PRKAG2: variants seen among roughly 807,000 people sequenced by gnomAD.
PRKAG2 encodes the protein protein kinase AMP-activated non-catalytic subunit gamma 2.
In PRKAG2, 26 loss-of-function variants were observed where a neutral mutation model predicts 69.6. That is an observed-to-expected ratio of 0.37 (90% CI 0.27 to 0.52). The LOEUF is 0.52. Ranked by LOEUF, PRKAG2 falls within the 20% of genes least tolerant of loss-of-function variation. PRKAG2 has a pLI of 0.90. For missense variants in PRKAG2, 557 were observed against 740.0 expected (o/e 0.75, Z 2.87); for synonymous variants, 293 against 285.0 (o/e 1.03, Z -0.28).
chr7:151,589,211 C>T (rs1282753530), intron 6 of PRKAG2, among the ~76,000 whole-genome samples: 2 of 152,242 alleles, frequency 1.3e-5, no homozygotes, highest in Admixed American at 1.3e-4. Flanking sequence ...GAGGCACCTC[C>T]TGTAGCAGCG....
At chr7:151,683,413 G>A (rs767431625) in intron 3 of PRKAG2, among the ~76,000 whole-genome samples, 1 of 152,194 alleles carries the variant, frequency 6.6e-6, no homozygotes, top group Non-Finnish European at 1.5e-5. Context: ...CCTTGCCTTG[G>A]TAAAAATAAA....
At chr7:151,670,447 C>T (rs1288686397) in intron 4 of PRKAG2, among the ~76,000 whole-genome samples, 1 of 152,182 alleles carries the variant, frequency 6.6e-6, no homozygotes, top group Admixed American at 6.5e-5. Flanking sequence ...CTCGTCTGGG[C>T]TCCTGTTCTA....
intron 3 of PRKAG2, among the ~76,000 whole-genome samples, chr7:151,763,944 G>A (rs1446035195): frequency 6.6e-6 from 1 of 152,240 alleles, no homozygotes; most frequent in Non-Finnish European, 1.5e-5. Flanking sequence ...CAGCCTCACT[G>A]CTTTCCTCCT....
chr7:151,700,603 G>A (rs987479140), intron 3 of PRKAG2, among the ~76,000 whole-genome samples: 1 of 152,192 alleles, frequency 6.6e-6, no homozygotes, highest in African/African-American at 2.4e-5. Flanking sequence ...CTTTTCTGAT[G>A]AGGTTCCAGG....
chr7:151,594,027 G>A (rs1391453677), intron 6 of PRKAG2, among the ~76,000 whole-genome samples: 2 of 152,196 alleles, frequency 1.3e-5, no homozygotes, highest in East Asian at 1.9e-4. Flanking sequence ...ACAGAAGCAG[G>A]CCACACCTGG....
chr7:151,557,570 G>A (rs1804016557), intron 15 of PRKAG2: 1 of 984,972 alleles, frequency 1.0e-6, no homozygotes, highest in Admixed American at 6.2e-5. Context: ...TTACAAATAT[G>A]TATTAAAAAA....
At position 151,756,538 on chromosome 7, in the gene PRKAG2, G is replaced by A. The variant is rs116597533; in HGVS notation, c.466+24614C>T. 1.5e-3 allele frequency among the ~76,000 whole-genome samples: 223 copies of A among 152,308 alleles called. No individual in the cohort carries two copies. The highest frequency in any genetic ancestry group is 5.2e-3 in the African/African-American group (217 of 41,576). ...TGCCTGGATGCAGGGGCTGACCTCT[G>A]ACCCCTGCTGCCATGTGTCCAGGCT... On this transcript the variant is annotated intron_variant, in intron 3 of 15. Transcript: ENST00000287878. This position sits in a 1 kb window ranked among gnomAD's most constrained non-coding sequence, Gnocchi z 4.9.
In PRKAG2 at chr7:151,719,816, A is replaced by T. The variant is rs1208827875; in HGVS notation, c.467-44179T>A. Among the ~76,000 whole-genome samples, 2 of 152,156 alleles carry T rather than the reference A, an allele frequency of 1.3e-5. No homozygotes were observed. Among genetic ancestry groups the T allele is most frequent in the Admixed American group, 6.5e-5 (1 of 15,292 alleles). ...CCTCCTCCCCCTGAGTTTGCCAGGC[A>T]GCCTGTAAGTTGGGGCTCCAAGTAA... is the stretch of plus-strand genomic sequence containing the variant. On this transcript the variant is annotated intron_variant, in intron 3 of 15. Coordinates refer to ENST00000287878, the MANE Select transcript of PRKAG2 (RefSeq NM_016203.4). The surrounding 1 kb of genome is among the most constrained non-coding windows in gnomAD (Gnocchi z 5.2).
intron 3 of PRKAG2, among the ~76,000 whole-genome samples, chr7:151,745,332 T>C (rs1243703867): frequency 2.0e-5 from 3 of 152,198 alleles, no homozygotes; most frequent in Non-Finnish European, 2.9e-5. Context: ...TGCAAAATAC[T>C]GTGTCATGTT....
chr7:151,735,701 G>A (rs553059755), intron 3 of PRKAG2, among the ~76,000 whole-genome samples: 2 of 152,282 alleles, frequency 1.3e-5, no homozygotes, highest in African/African-American at 4.8e-5. Context: ...AAAGAGTATT[G>A]TCAGGCGGCT....
intron 1 of PRKAG2, among the ~76,000 whole-genome samples, chr7:151,801,001 T>A (rs986552121): frequency 6.6e-6 from 1 of 152,196 alleles, no homozygotes. Flanking sequence ...AACCTAAAAC[T>A]GCTCACAAGT....
intron 3 of PRKAG2, among the ~76,000 whole-genome samples, chr7:151,676,519 T>C (rs1832972984): frequency 6.6e-6 from 1 of 152,168 alleles, no homozygotes; most frequent in Non-Finnish European, 1.5e-5. Context: ...ACATGAATCT[T>C]CTGGGAGTTA....
chr7:151,673,437 G>A (rs1195081348), intron 4 of PRKAG2, among the ~76,000 whole-genome samples: 1 of 152,038 alleles, frequency 6.6e-6, no homozygotes, highest in Admixed American at 6.5e-5. Flanking sequence ...TCTCCCTCCT[G>A]TAGGGCCGAC....
chr7:151,574,835 CACAT>C, intron 8 of PRKAG2, 52 bp downstream of exon 8: 1 of 1,611,600 alleles, frequency 6.2e-7, no homozygotes, highest in Non-Finnish European at 8.5e-7. Context: ...TATACCTACA[CACAT>C]ACATAGATAC....
chr7:151,845,807 G>A (rs2079417382), intron 1 of PRKAG2, among the ~76,000 whole-genome samples: 1 of 152,164 alleles, frequency 6.6e-6, no homozygotes, highest in African/African-American at 2.4e-5. Context: ...AAACACCAAC[G>A]GCAACCCCAG....
rs1806624324 is a variant in PRKAG2 at position 151,567,894 on chromosome 7, G to C, written c.1233+822C>G. 6.6e-6 allele frequency among the ~76,000 whole-genome samples: 1 copy of C among 152,168 alleles called. No homozygotes were observed. The highest frequency in any genetic ancestry group is 2.4e-5 in the African/African-American group (1 of 41,432). On this transcript the variant is annotated intron_variant, in intron 11 of 15. Transcript: ENST00000287878. The surrounding 1 kb of genome is among the most constrained non-coding windows in gnomAD (Gnocchi z 4.2). ...ACCGGAACGCTATGTTAGGTCCTTA[G>C]GTGAAGCCATGGGGAGGAAAATGGG...
chr7:151,704,992 C>CGAAATGAG (rs1352730048), intron 3 of PRKAG2, among the ~76,000 whole-genome samples: 1 of 152,202 alleles, frequency 6.6e-6, no homozygotes, highest in Non-Finnish European at 1.5e-5. Context: ...CAGCCATGAA[C>CGAAATGAG]GAAATGAGGT....
At chr7:151,748,821 A>G (rs2074470754) in intron 3 of PRKAG2, among the ~76,000 whole-genome samples, 1 of 152,284 alleles carries the variant, frequency 6.6e-6, no homozygotes, top group African/African-American at 2.4e-5. Flanking sequence ...CAAGGAGGAA[A>G]GAACATCCGT....
intron 1 of PRKAG2, among the ~76,000 whole-genome samples, chr7:151,848,512 CTTTTTTTTTTTTTTT>C (rs1158559692): frequency 1.1e-4 from 7 of 62,250 alleles, no homozygotes; most frequent in Admixed American, 4.6e-4. Flanking sequence ...TACTGCATGT[CTTTTTTTTTTTTTTT>C]TTTTTTTTTT....
Sources: gnomAD v4.1 joint callset for allele counts (sites outside exome capture counted in the v4.1 genomes callset) on GRCh38, gnomAD v4.1.1 for gene constraint, Gnocchi (gnomAD v3.1) non-coding constraint, MANE v1.5 for transcripts, NCBI Gene and HGNC (gene_info 2026-07-23, HGNC 2026-07-21) for gene names.